Variants in PMS1 observed in about 807,000 individuals in gnomAD.
The protein encoded by PMS1 is PMS1 homolog 1, mismatch repair system component.
Under a neutral mutation model 93.1 loss-of-function variants are expected in PMS1, and 79 were observed. The ratio of observed to expected loss-of-function variants is 0.85; its 90% CI spans 0.71 to 1.02. PMS1 has a LOEUF of 1.02. Ranked by LOEUF, PMS1 falls within the 50% of genes least tolerant of loss-of-function variation. The probability of loss-of-function intolerance (pLI) is 0.00; values close to 1 mark genes in which losing one functional copy is unlikely to be tolerated. For synonymous variants in PMS1, 335 were observed against 363.4 expected, an observed-to-expected ratio of 0.92 and a Z score of 0.89; for missense variants, 1,064 against 1,085.3, an observed-to-expected ratio of 0.98 and a Z score of 0.28.
intron 5 of PMS1, among the ~76,000 whole-genome samples, chr2:189,830,081 A>C (rs2052786699): frequency 6.6e-6 from 1 of 151,886 alleles, no homozygotes; most frequent in African/African-American, 2.4e-5. Context: ...GGGTCAGTAT[A>C]TTTTTTTCTG....
chr2:189,828,925 A>G (rs984196241), intron 5 of PMS1, among the ~76,000 whole-genome samples: 6 of 150,484 alleles, frequency 4.0e-5, no homozygotes, highest in African/African-American at 1.5e-4. Flanking sequence ...AAGGATCCTT[A>G]GATCTTTACA....
chr2:189,838,743 G>T lies in PMS1; in HGVS notation c.583-5221G>T, dbSNP rs533761938. On this transcript the variant is annotated intron_variant, in intron 5 of 12. Coordinates refer to ENST00000441310, the MANE Select transcript of PMS1 (RefSeq NM_000534.5). ...TAGTAAAGTACCAAAGTTTGCAAAT[G>T]GTTTATCTTAAAAAGCAAACGAAAA... is the stretch of plus-strand genomic sequence containing the variant. Among the ~76,000 whole-genome samples the T allele has an allele frequency of 3.3e-5, 5 of 152,184 alleles. No individual in the cohort carries two copies. The South Asian group carries it at 1.0e-3, about 32-fold the overall frequency.
At position 189,877,304 on chromosome 2, in the gene PMS1, C is replaced by T; in HGVS notation, c.2667C>T (p.Pro889=). The change falls in exon 13 of 13, where the codon CCC becomes CCT. Residue 889 remains proline (P), a synonymous_variant. Transcript: ENST00000441310. ...GEAVRLSRQL[P]MYLSKEDIQD... ...CAGTGCGTCTATCCAGACAATTACCCATGTACTTATCAAAAGAGGACATCC... is the reference window on the plus strand; with the variant it reads ...CAGTGCGTCTATCCAGACAATTACCTATGTACTTATCAAAAGAGGACATCC... The T allele has an allele frequency of 6.2e-7, 1 of 1,613,520 alleles. No homozygotes were observed. Among genetic ancestry groups the T allele is most frequent in the Non-Finnish European group, 8.5e-7 (1 of 1,179,436 alleles).
intron 4 of PMS1, among the ~76,000 whole-genome samples, chr2:189,816,903 A>T (rs1214763902): frequency 3.3e-5 from 5 of 152,152 alleles, no homozygotes; most frequent in African/African-American, 1.2e-4. Flanking sequence ...ATGACATAAT[A>T]TTTATCCTAA....
chr2:189,876,943 TCTC>T (rs1453089809), intron 12 of PMS1, among the ~76,000 whole-genome samples: 4 of 152,056 alleles, frequency 2.6e-5, no homozygotes, highest in Admixed American at 2.0e-4. Context: ...CTTAAAGTCA[TCTC>T]CTCAAGTAAT....
At chr2:189,865,631 A>G (rs2056586543) in intron 10 of PMS1, among the ~76,000 whole-genome samples, 1 of 152,192 alleles carries the variant, frequency 6.6e-6, no homozygotes, top group Non-Finnish European at 1.5e-5. Flanking sequence ...TTCTTATTCT[A>G]TATGAGCAAA....
intron 3 of PMS1, among the ~76,000 whole-genome samples, chr2:189,798,757 A>ATTTTTT (rs757864750): frequency 5.0e-5 from 4 of 79,924 alleles, no homozygotes; most frequent in African/African-American, 9.1e-5. Flanking sequence ...TAAGTATTTG[A>ATTTTTT]TTTTTTTTTT....
In PMS1 at chr2:189,854,450, A is replaced by T. The variant is rs766742199; in HGVS notation, c.1178A>T (p.Asp393Val). The T allele has an allele frequency of 9.3e-6, 15 of 1,611,526 alleles. No individual in the cohort carries two copies. In the South Asian group the frequency reaches 1.2e-4, roughly 13 times the overall value. The change falls in exon 9 of 13, where the codon GAT becomes GTT. Residue 393 changes from aspartate to valine, a missense_variant. Transcript: ENST00000441310. ...ACTTCAGTCATTCCATTCCAAAATG[A>T]TATGCATAATGATGAATCTGGAAAA... ...VDTSVIPFQNDMHNDESGKNT... is the reference protein window; with the variant it reads ...VDTSVIPFQNVMHNDESGKNT...
intron 4 of PMS1, among the ~76,000 whole-genome samples, chr2:189,807,532 C>T (rs1384440266): frequency 6.6e-6 from 1 of 152,148 alleles, no homozygotes; most frequent in East Asian, 1.9e-4. Flanking sequence ...CCTTATAAAA[C>T]TTAAAGGAAT....
intron 1 of PMS1, among the ~76,000 whole-genome samples, chr2:189,791,503 C>G (rs2048863228): frequency 6.6e-6 from 1 of 151,788 alleles, no homozygotes; most frequent in Non-Finnish European, 1.5e-5. Flanking sequence ...ACCTGTAATC[C>G]CAGCTACTCT....
At chr2:189,871,536 C>T (rs1200125692) in intron 11 of PMS1, among the ~76,000 whole-genome samples, 2 of 152,202 alleles carry the variant, frequency 1.3e-5, no homozygotes, top group Non-Finnish European at 2.9e-5. Context: ...TCATCTGAGA[C>T]TTTGTGAGCC....
At chr2:189,792,787 A>G (rs1351346989) in intron 2 of PMS1, among the ~76,000 whole-genome samples, 1 of 147,940 alleles carries the variant, frequency 6.8e-6, no homozygotes, top group Admixed American at 6.8e-5. Flanking sequence ...TACTATACCC[A>G]TTTTATTTTT....
intron 9 of PMS1, among the ~76,000 whole-genome samples, chr2:189,863,242 T>G (rs1283801238): frequency 4.0e-5 from 6 of 151,700 alleles, no homozygotes. Context: ...TTTTTTCTTT[T>G]TGGTGTTTTT....
chr2:189,808,922 T>C (rs530888403), intron 4 of PMS1, among the ~76,000 whole-genome samples: 1 of 152,332 alleles, frequency 6.6e-6, no homozygotes, highest in South Asian at 2.1e-4. Context: ...TTCTATTCCC[T>C]TTACCCTAGA....
In PMS1 at chr2:189,818,137, G is replaced by A. The variant is rs2106327042; in HGVS notation, c.539G>A (p.Gly180Asp). 3.7e-6 allele frequency: 6 copies of A among 1,608,902 alleles called. No individual in the cohort carries two copies. The highest frequency in any genetic ancestry group is 5.1e-6 in the Non-Finnish European group (6 of 1,175,810). The change falls in exon 5 of 13, where the codon GGT (glycine) becomes GAT (aspartate). Residue 180 changes from glycine (G) to aspartate (D), a missense_variant. Physicochemically the swap from Gly to Asp is moderately conservative, Grantham distance 94. Transcript: ENST00000441310. Reference sequence around the variant, plus strand: ...ATCCAAGATCTCCTCATGAGCTTTGGTATCCTTAAACCTGACTTAAGGATT... The same window carrying A: ...ATCCAAGATCTCCTCATGAGCTTTGATATCCTTAAACCTGACTTAAGGATT... ...KKIQDLLMSF[G>D]ILKPDLRIVF...
At position 189,864,208 on chromosome 2, in the gene PMS1, G is replaced by C; in HGVS notation, c.2322G>C (p.Lys774Asn). Residue 774 changes from lysine to asparagine, a missense_variant, in exon 10 of 13, where the codon AAG becomes AAC. By Grantham distance (94) the Lys-to-Asn change is moderately conservative (BLOSUM62 0). Transcript: ENST00000441310. ...NHKLPAEPLEKPIMLTESLFN... is the reference protein window; with the variant it reads ...NHKLPAEPLENPIMLTESLFN... ...AACTTCCTGCAGAGCCACTGGAAAA[G>C]CCAATTATGTTAACAGAGAGGTATG... is the stretch of plus-strand genomic sequence containing the variant. 6.2e-7 allele frequency: 1 copy of C among 1,605,070 alleles called. No homozygotes were observed. The highest frequency in any genetic ancestry group is 8.5e-7 in the Non-Finnish European group (1 of 1,172,478).
rs56050321 is a variant in PMS1 at position 189,852,829 on chromosome 2, G to GT, written c.822+53dup. ...ATTTGAATTGGAAATTTGTCACATT[G>GT]TAACAAGGACTGCTTCCAAGAATTT... On this transcript the variant is annotated intron_variant, in intron 7 of 12. Coordinates refer to ENST00000441310, the MANE Select transcript of PMS1 (RefSeq NM_000534.5). The GT allele has an allele frequency of 5.6e-4, 675 of 1,197,732 alleles. 1 individual carries two copies. In the African/African-American group the frequency reaches 9.3e-3, roughly 16 times the overall value. The allele number at this position is 1,197,732 out of a possible 1,614,324, so 74.2% of individuals were successfully genotyped here.
In PMS1 at chr2:189,854,259, T is replaced by G. The variant is rs2055086807; in HGVS notation, c.987T>G (p.Leu329=). The G allele has an allele frequency of 1.9e-6, 3 of 1,593,900 alleles. No individual in the cohort carries two copies. Among genetic ancestry groups the G allele is most frequent in the African/African-American group, 1.3e-5 (1 of 74,438 alleles). ...TTTAGGAATCTGTTTTAATTGCTCT[T>G]GAAAATCTGATGACGACTTGTTATG... is the stretch of plus-strand genomic sequence containing the variant. ...LQNKESVLIA[L]ENLMTTCYGP... The change falls in exon 9 of 13, where the codon CTT becomes CTG. Residue 329 remains leucine, a synonymous_variant. Transcript: ENST00000441310.
intron 5 of PMS1, among the ~76,000 whole-genome samples, chr2:189,838,774 T>C (rs1228389265): frequency 6.6e-6 from 1 of 152,190 alleles, no homozygotes; most frequent in African/African-American, 2.4e-5. Flanking sequence ...GAAAAAAACC[T>C]AAGGGAATAA....
Sources: gnomAD v4.1 joint callset for allele counts (sites outside exome capture counted in the v4.1 genomes callset) on GRCh38, gnomAD v4.1.1 for gene constraint, MANE v1.5 for transcripts, NCBI Gene and HGNC (gene_info 2026-07-23, HGNC 2026-07-21) for gene names.